NRXN3: variants seen among roughly 807,000 people sequenced by gnomAD.
NRXN3 encodes the protein neurexin III.
Under a neutral mutation model 137.6 loss-of-function variants are expected in NRXN3, and 32 were observed. The observed-to-expected ratio is 0.23, with a 90% CI of 0.18 to 0.31. The LOEUF is 0.31. NRXN3 is among the 10% of genes least tolerant of loss of function. The pLI is 1.00. For synonymous variants in NRXN3, 798 were observed against 784.5 expected, an observed-to-expected ratio of 1.02 and a Z score of -0.29; for missense variants, 1,574 against 2,062.5, an observed-to-expected ratio of 0.76 and a Z score of 4.59.
intron 4 of NRXN3, among the ~76,000 whole-genome samples, chr14:78,482,889 G>C (rs1436674852): frequency 6.6e-6 from 1 of 152,030 alleles, no homozygotes; most frequent in Non-Finnish European, 1.5e-5. Flanking sequence ...AGTCAATCTG[G>C]GTTGCAGTTC....
chr14:78,945,748 C>T (rs1004955722), intron 10 of NRXN3, among the ~76,000 whole-genome samples: 12 of 152,168 alleles, frequency 7.9e-5, no homozygotes, highest in Non-Finnish European at 1.5e-5. Context: ...CTTAAATGAG[C>T]AGAGCTTTAT....
chr14:78,568,055 T>C (rs1181379041), intron 4 of NRXN3, among the ~76,000 whole-genome samples: 2 of 152,184 alleles, frequency 1.3e-5, no homozygotes, highest in Non-Finnish European at 2.9e-5. Flanking sequence ...TGAGGTTAAA[T>C]TGAGGTATCG....
chr14:79,166,026 A>G (rs1402336436), intron 15 of NRXN3, among the ~76,000 whole-genome samples: 3 of 152,014 alleles, frequency 2.0e-5, no homozygotes, highest in Non-Finnish European at 2.9e-5. Context: ...TTGCTCCAAT[A>G]TTAAAAACGC....
intron 8 of NRXN3, among the ~76,000 whole-genome samples, chr14:78,774,458 T>C (rs2098738699): frequency 6.6e-6 from 1 of 152,242 alleles, no homozygotes; most frequent in African/African-American, 2.4e-5. Flanking sequence ...ACTTAAATAT[T>C]CTAAGTGTAT....
chr14:78,923,192 T>C (rs1335284449), intron 10 of NRXN3, among the ~76,000 whole-genome samples: 3 of 152,188 alleles, frequency 2.0e-5, no homozygotes, highest in African/African-American at 7.2e-5. Flanking sequence ...ACCCTATTGC[T>C]TGACTCAGTG....
At chr14:78,667,816 T>C (rs1468689979) in intron 6 of NRXN3, among the ~76,000 whole-genome samples, 1 of 152,158 alleles carries the variant, frequency 6.6e-6, no homozygotes, top group African/African-American at 2.4e-5. Context: ...GAAGTTTTGC[T>C]CTTGTTGCCC....
intron 16 of NRXN3, among the ~76,000 whole-genome samples, chr14:79,504,797 T>C (rs1433774877): frequency 2.0e-5 from 3 of 151,690 alleles, no homozygotes; most frequent in Non-Finnish European, 4.4e-5. Flanking sequence ...TTCTCCCTTA[T>C]CAACTCTAGG....
chr14:78,651,388 A>G, intron 6 of NRXN3, 62 bp downstream of exon 6: 3 of 1,541,002 alleles, frequency 1.9e-6, no homozygotes, highest in Non-Finnish European at 2.7e-6. Flanking sequence ...AACAAATGAC[A>G]TGTCTAAATC....
At chr14:79,232,495 A>G (rs1399572145) in intron 15 of NRXN3, among the ~76,000 whole-genome samples, 3 of 152,162 alleles carry the variant, frequency 2.0e-5, no homozygotes, top group East Asian at 1.9e-4. Context: ...TCTCTTTCAA[A>G]TGTTGTAGAA....
At chr14:79,546,663 G>A (rs1350443313) in intron 16 of NRXN3, among the ~76,000 whole-genome samples, 1 of 152,120 alleles carries the variant, frequency 6.6e-6, no homozygotes, top group African/African-American at 2.4e-5. Flanking sequence ...AATCCTTACT[G>A]TCAATATGAG....
At chr14:79,679,052 A>C (rs960100799) in intron 17 of NRXN3, among the ~76,000 whole-genome samples, 1 of 150,530 alleles carries the variant, frequency 6.6e-6, no homozygotes, top group Admixed American at 6.6e-5. Flanking sequence ...TCTTTGGCTT[A>C]AATTTTTTTT....
chr14:79,791,760 A>G (rs1055001435), intron 19 of NRXN3, among the ~76,000 whole-genome samples: 1 of 152,022 alleles, frequency 6.6e-6, no homozygotes, highest in African/African-American at 2.4e-5. Context: ...CGTTTTATCA[A>G]GAATAGAACA....
intron 15 of NRXN3, among the ~76,000 whole-genome samples, chr14:79,250,978 A>C (rs1470223676): frequency 1.3e-5 from 2 of 152,214 alleles, no homozygotes; most frequent in African/African-American, 2.4e-5. Flanking sequence ...GAAAAATGAC[A>C]TCAGGTGTGT....
At chr14:79,821,709 T>A (rs901640985) in intron 20 of NRXN3, among the ~76,000 whole-genome samples, 8 of 138,540 alleles carry the variant, frequency 5.8e-5, no homozygotes, top group African/African-American at 2.2e-4. Context: ...TCTCTGATAA[T>A]CCCAGAGTTT....
intron 19 of NRXN3, among the ~76,000 whole-genome samples, chr14:79,766,006 A>G (rs559844295): frequency 5.3e-5 from 8 of 152,242 alleles, no homozygotes; most frequent in Non-Finnish European, 8.8e-5. Flanking sequence ...TTTAAACATC[A>G]TATATAAAAT....
intron 8 of NRXN3, among the ~76,000 whole-genome samples, chr14:78,761,607 C>T (rs2098692601): frequency 6.6e-6 from 1 of 152,084 alleles, no homozygotes; most frequent in Non-Finnish European, 1.5e-5. Flanking sequence ...TGTATTTTCC[C>T]ATCTATAAAC....
chr14:79,754,265 C>A (rs1369331562), intron 19 of NRXN3, among the ~76,000 whole-genome samples: 1 of 151,792 alleles, frequency 6.6e-6, no homozygotes, highest in Non-Finnish European at 1.5e-5. Flanking sequence ...TCACTTAAAC[C>A]AGGGAGAGGC....
intron 8 of NRXN3, among the ~76,000 whole-genome samples, chr14:78,799,729 C>T (rs1159203761): frequency 6.6e-6 from 1 of 152,134 alleles, no homozygotes; most frequent in Non-Finnish European, 1.5e-5. Flanking sequence ...CTCACAATCA[C>T]AATCATGGCG....
intron 1 of NRXN3, among the ~76,000 whole-genome samples, chr14:78,184,913 TG>T (rs1466710771): frequency 6.6e-6 from 1 of 152,176 alleles, no homozygotes; most frequent in Non-Finnish European, 1.5e-5. Context: ...TTGGATGCTG[TG>T]CTTAAAGGAG....
Sources: allele counts gnomAD v4.1 joint callset (sites outside exome capture counted in the v4.1 genomes callset), GRCh38; gene constraint gnomAD v4.1.1; transcripts MANE v1.5; gene names NCBI Gene and HGNC (gene_info 2026-07-23, HGNC 2026-07-21).